SP140: variants seen among roughly 807,000 people sequenced by gnomAD.
SP140 encodes the protein SP140 nuclear body protein.
A neutral mutation model predicts 125.0 loss-of-function variants in SP140; 81 were observed. The ratio of observed to expected loss-of-function variants is 0.65; its 90% confidence interval spans 0.54 to 0.78. SP140 has a LOEUF of 0.78. SP140 is among the 30% of genes least tolerant of loss of function. The pLI is 0.00. For missense variants in SP140, 858 were observed against 1,037.0 expected, an observed-to-expected ratio of 0.83 and a Z score of 2.37; for synonymous variants, 312 against 354.0, an observed-to-expected ratio of 0.88 and a Z score of 1.33.
chr2:230,250,764 T>A (rs1159136261), intron 9 of SP140, among the ~76,000 whole-genome samples: 1 of 151,108 alleles, frequency 6.6e-6, no homozygotes, highest in Non-Finnish European at 1.5e-5. Context: ...GAATTAGGAG[T>A]CCAGGCAGCA....
intron 4 of SP140, 149 bp downstream of exon 4, chr2:230,241,636 G>C (rs2048743530): frequency 3.3e-6 from 2 of 603,760 alleles, no homozygotes. Flanking sequence ...GCCCTTATCT[G>C]CCAACAGATG....
chr2:230,250,200 G>A (rs2050149860), intron 9 of SP140, among the ~76,000 whole-genome samples: 1 of 152,174 alleles, frequency 6.6e-6, no homozygotes, highest in African/African-American at 2.4e-5. Context: ...TAGCACAATT[G>A]TTCTCTGCTT....
chr2:230,290,681 G>T (rs1314245623), intron 19 of SP140, 117 bp downstream of exon 19: 2 of 816,542 alleles, frequency 2.4e-6, no homozygotes, highest in Admixed American at 2.7e-5. Context: ...TTGGCTTGAG[G>T]GAAGGAGGAA....
chr2:230,241,520 T>C (rs1359201772), intron 4 of SP140, 33 bp downstream of exon 4: 8 of 1,320,540 alleles, frequency 6.1e-6, no homozygotes, highest in Middle Eastern at 1.8e-4. Flanking sequence ...ATGCCCTTAT[T>C]AAAGTTTTGC....
At chr2:230,278,351 G>GT (rs1302414344) in intron 15 of SP140, among the ~76,000 whole-genome samples, 4 of 151,674 alleles carry the variant, frequency 2.6e-5, no homozygotes, top group South Asian at 2.1e-4. Context: ...GTTTTGTTTT[G>GT]TTTTTTTGCT....
intron 15 of SP140, among the ~76,000 whole-genome samples, chr2:230,274,208 A>G (rs1173209837): frequency 6.6e-6 from 1 of 152,136 alleles, no homozygotes; most frequent in Non-Finnish European, 1.5e-5. Context: ...TGATATATGC[A>G]GGAGATCCAT....
At chr2:230,225,725 A>G (rs2046228919), upstream of SP140, 4 of 833,354 alleles carry the variant, frequency 4.8e-6, no homozygotes, top group African/African-American at 1.7e-5. Context: ...TAGTTAGGCA[A>G]TTTCACTTTT....
upstream of SP140, among the ~76,000 whole-genome samples, chr2:230,198,264 C>T (rs1031702834): frequency 6.6e-6 from 1 of 152,162 alleles, no homozygotes; most frequent in East Asian, 1.9e-4. Flanking sequence ...CTCTTACATG[C>T]TGTGACCCAG....
intron 3 of SP140, among the ~76,000 whole-genome samples, chr2:230,219,325 A>G (rs1240599838): frequency 6.6e-6 from 1 of 152,212 alleles, no homozygotes; most frequent in South Asian, 2.1e-4. Context: ...AATAGTAATA[A>G]TCTCAGACAC....
chr2:230,247,885 C>T (rs778903319), intron 7 of SP140, 31 bp from the exon 8 acceptor site: 2 of 1,603,872 alleles, frequency 1.2e-6, no homozygotes, highest in Non-Finnish European at 1.7e-6. Flanking sequence ...AAATTACATA[C>T]ACTCTCAGAG....
intron 4 of SP140, among the ~76,000 whole-genome samples, chr2:230,242,120 G>T (rs189935272): frequency 2.0e-5 from 3 of 152,194 alleles, no homozygotes; most frequent in African/African-American, 7.2e-5. Context: ...AAGGTAAACC[G>T]AAACATCTGC....
At chr2:230,215,215 T>G (rs1288839937) in intron 3 of SP140, 4 of 966,510 alleles carry the variant, frequency 4.1e-6, no homozygotes, top group Non-Finnish European at 6.5e-6. Context: ...GCTACCTTAC[T>G]CTTTTAAGAA....
intron 1 of SP140, among the ~76,000 whole-genome samples, chr2:230,208,740 A>C (rs1024658448): frequency 1.3e-5 from 2 of 152,174 alleles, no homozygotes; most frequent in African/African-American, 2.4e-5. Context: ...CAGTGAGTGC[A>C]CTCTGCCCTG....
At chr2:230,262,337 C>T (rs917714105) in intron 12 of SP140, among the ~76,000 whole-genome samples, 2 of 152,132 alleles carry the variant, frequency 1.3e-5, no homozygotes, top group Admixed American at 6.5e-5. Context: ...CGGGTTTTCT[C>T]TCCTCTTGGT....
Position 230,248,893 on chromosome 2 carries a change from G to C in SP140, c.901G>C (p.Asp301His). ...TTCTTGTTTATCTGCAGAGACCTTTGATCTAAAAACTCCCCAAGTCACTAA... is the reference window on the plus strand; with the variant it reads ...TTCTTGTTTATCTGCAGAGACCTTTCATCTAAAAACTCCCCAAGTCACTAA... The part of the protein sequence containing the change: ...SPEGRDKETF[D>H]LKTPQVTNEG... The change falls in exon 9 of 27, where the codon GAT becomes CAT. Residue 301 changes from aspartate (D) to histidine (H), a missense_variant. This residue lies in a region of SP140 where 791 missense variants were observed against 869.5 expected (regional missense o/e 0.91). Coordinates refer to ENST00000392045, the MANE Select transcript of SP140 (RefSeq NM_007237.5). The C allele has an allele frequency of 6.8e-6, 11 of 1,612,118 alleles. No homozygotes were observed. The highest frequency in any genetic ancestry group is 9.3e-6 in the Non-Finnish European group (11 of 1,178,322).
intron 22 of SP140, among the ~76,000 whole-genome samples, chr2:230,305,976 TC>T (rs1334937365): frequency 1.3e-5 from 2 of 152,080 alleles, no homozygotes; most frequent in African/African-American, 4.8e-5. Flanking sequence ...CCCCAAGCCA[TC>T]CCTGAGCCTT....
At chr2:230,200,868 CAATCTCCAAGTTTTACCTTGT>C, upstream of SP140, 1 of 1,572,874 alleles carries the variant, frequency 6.4e-7, no homozygotes, top group Non-Finnish European at 8.8e-7. Flanking sequence ...CTGAGACCAG[CAATCTCCAAGTTTTACCTTGT>C]GTGACCCTTC....
chr2:230,233,197 T>C (rs1156468315), intron 1 of SP140, among the ~76,000 whole-genome samples: 1 of 152,168 alleles, frequency 6.6e-6, no homozygotes, highest in African/African-American at 2.4e-5. Flanking sequence ...TACACTTGGG[T>C]TTCTAATTAA....
chr2:230,196,005 C>T, the SP140 span, among the ~76,000 whole-genome samples: 1 of 152,014 alleles, frequency 6.6e-6, no homozygotes, highest in Non-Finnish European at 1.5e-5. Context: ...CTCTATATTA[C>T]TACTAATCAA....
Sources: allele counts gnomAD v4.1 joint callset (sites outside exome capture counted in the v4.1 genomes callset), GRCh38; gene constraint gnomAD v4.1.1; regional missense constraint gnomAD v4.1.1; transcripts MANE v1.5; gene names NCBI Gene and HGNC (gene_info 2026-07-23, HGNC 2026-07-21).